Variants in KRI1 observed in about 807,000 individuals in gnomAD.
The protein encoded by KRI1 is KRI1 homolog.
KRI1 carries 83 observed loss-of-function variants against 97.0 expected under a neutral mutation model. The ratio of observed to expected loss-of-function variants is 0.86; its 90% CI spans 0.72 to 1.03. The LOEUF (loss-of-function observed/expected upper bound fraction) is 1.03, where lower values mean the gene tolerates loss of function less well. Ranked by LOEUF, KRI1 falls within the 50% of genes least tolerant of loss-of-function variation. The pLI is 0.00. For missense variants in KRI1, 916 were observed against 928.4 expected (o/e 0.99, Z 0.17); for synonymous variants, 371 against 363.5 (o/e 1.02, Z -0.23).
In KRI1 at chr19:10,554,043, G is replaced by GTC; in HGVS notation, c.2018_2019dup (p.Leu674AspfsTer97). ...TTGGGGTTGAGGCCAAAGGCCTGCA[G>GTC]TCTCTGGCGGCTGAACTCGCATCCA... On this transcript the variant is annotated frameshift_variant, in exon 19 of 19. Transcript: ENST00000312962. LOFTEE classifies it high-confidence loss of function. 6.2e-7 allele frequency: 1 copy of GTC among 1,614,212 alleles called. No homozygotes were observed. The highest frequency in any genetic ancestry group is 8.5e-7 in the Non-Finnish European group (1 of 1,180,048).
Position 10,565,996 on chromosome 19 carries a change from G to A in KRI1, c.4C>T (p.Pro2Ser), listed in dbSNP as rs868832100. 6.6e-7 allele frequency: 1 copy of A among 1,520,214 alleles called. No homozygotes were observed. Among genetic ancestry groups the A allele is most frequent in the Non-Finnish European group, 8.8e-7 (1 of 1,139,306 alleles). The allele number at this position is 1,520,214 out of a possible 1,614,324, so 94.2% of individuals were successfully genotyped here. A position where few individuals can be genotyped will look rare whatever the true frequency, so the allele number is the denominator to read the frequency against. MPEPRGSSQLRV... is the reference protein window; with the variant it reads MSEPRGSSQLRV... ...AGCTGCGACGACCCGCGCGGTTCCGGCATGGCGGTTCTGTGGCCCATTGCG... is the reference window on the plus strand; with the variant it reads ...AGCTGCGACGACCCGCGCGGTTCCGACATGGCGGTTCTGTGGCCCATTGCG... Residue 2 changes from proline to serine, a missense_variant, in exon 1 of 19, where the codon CCG (proline) becomes TCG (serine). Pro to Ser is a moderately conservative substitution (Grantham distance 74). Transcript: ENST00000312962.
intron 9 of KRI1, 118 bp from the exon 10 acceptor site, chr19:10,560,054 G>A: frequency 1.5e-6 from 2 of 1,298,876 alleles, no homozygotes; most frequent in Non-Finnish European, 2.1e-6. Context: ...AACCCTACAA[G>A]GTGCACGCTG....
Position 10,558,172 on chromosome 19 carries a change from C to T in KRI1, c.1262G>A (p.Gly421Glu). The change falls in exon 13 of 19, where the codon GGG becomes GAG. Residue 421 changes from glycine to glutamate, a missense_variant. Coordinates refer to ENST00000312962, the MANE Select transcript of KRI1 (RefSeq NM_023008.5). ...GCCCCAGCTGATCTCACCTTCAAGCCCTTCTTCTTCCTCAAATTGTGGCTT... is the reference window on the plus strand; with the variant it reads ...GCCCCAGCTGATCTCACCTTCAAGCTCTTCTTCTTCCTCAAATTGTGGCTT... ...EEKPQFEEEE[G>E]LEDDWNWDTW... is the part of the protein sequence containing the mutation. The T allele has an allele frequency of 6.2e-7, 1 of 1,614,036 alleles. No homozygotes were observed. The highest frequency in any genetic ancestry group is 8.5e-7 in the Non-Finnish European group (1 of 1,179,958).
chr19:10,562,888 C>T (rs544381115), intron 3 of KRI1, 51 bp from the exon 4 acceptor site: 12 of 1,180,328 alleles, frequency 1.0e-5, no homozygotes, highest in East Asian at 4.7e-5. Flanking sequence ...CCTTCTTTGC[C>T]GTGGCAGAGA....
intron 16 of KRI1, among the ~76,000 whole-genome samples, chr19:10,555,780 G>A (rs1042967546): frequency 2.0e-5 from 3 of 152,212 alleles, no homozygotes; most frequent in African/African-American, 7.2e-5. Flanking sequence ...GTGATTGAAT[G>A]CCGATGGTAT....
At chr19:10,559,761 CTGGGCCTGAACCCT>C (rs774639349) in intron 10 of KRI1, 35 bp downstream of exon 10, 6 of 1,613,880 alleles carry the variant, frequency 3.7e-6, no homozygotes, top group Non-Finnish European at 3.4e-6. Context: ...GTGGGGTTCC[CTGGGCCTGAACCCT>C]GGGGGCTGAG....
chr19:10,557,951 C>T (rs1916565310), intron 14 of KRI1, 21 bp downstream of exon 14: 2 of 1,613,998 alleles, frequency 1.2e-6, no homozygotes, highest in Admixed American at 1.7e-5. Flanking sequence ...CCCTGGGACT[C>T]CCTCAACCCG....
chr19:10,561,065 C>T lies in KRI1; in HGVS notation c.601G>A (p.Asp201Asn), dbSNP rs1306566231. The T allele has an allele frequency of 3.1e-5, 50 of 1,614,148 alleles. No homozygotes were observed. The highest frequency in any genetic ancestry group is 4.1e-5 in the Non-Finnish European group (48 of 1,180,004). ...TRQEKAQEEA[D>N]YIEWLKGQKE... ...TGTCCCTTCAGCCACTCGATGTAGT[C>T]GGCCTCCTCCTGGGCCTGGGGGAAA... The change falls in exon 8 of 19, where the codon GAC becomes AAC. Residue 201 changes from aspartate to asparagine, a missense_variant. Around this residue, in one of 3 missense-constraint regions of KRI1, gnomAD observed 672 missense variants for 667.2 expected, o/e 1.01. Coordinates refer to ENST00000312962, the MANE Select transcript of KRI1 (RefSeq NM_023008.5).
intron 12 of KRI1, 22 bp from the exon 13 acceptor site, chr19:10,558,261 T>C (rs1307899782): frequency 1.2e-6 from 2 of 1,613,010 alleles, no homozygotes; most frequent in East Asian, 2.2e-5. Flanking sequence ...GGGCTGGCGG[T>C]TACCAGAGCC....
At chr19:10,563,196 C>T (rs1044440285) in intron 3 of KRI1, among the ~76,000 whole-genome samples, 4 of 151,916 alleles carry the variant, frequency 2.6e-5, no homozygotes, top group Non-Finnish European at 5.9e-5. Context: ...GCTGGGATTA[C>T]AGGTGCCCAC....
Position 10,553,590 on chromosome 19 carries a change from T to TTTC in KRI1, c.*360_*361insGAA, listed in dbSNP as rs59138474. ...GTGTTTTTTAATTTTTTTTTTTTTT[T>TTTC]CAAGAGACAGGGTCTTGCTTTGTTG... On this transcript the variant is annotated 3_prime_UTR_variant, in exon 19 of 19. Coordinates refer to ENST00000312962, the MANE Select transcript of KRI1 (RefSeq NM_023008.5). 2.0e-5 allele frequency: 4 copies of TTTC among 198,926 alleles called. No homozygotes were observed. The highest frequency in any genetic ancestry group is 1.6e-4 in the South Asian group (1 of 6,088). 12.3% of individuals were successfully genotyped at this position (198,926 alleles called of 1,614,324 possible).
At position 10,559,443 on chromosome 19, in the gene KRI1, T is replaced by C; in HGVS notation, c.1110A>G (p.Lys370=). 3 of 1,614,122 alleles carry C rather than the reference T, an allele frequency of 1.9e-6. No individual in the cohort carries two copies. The highest frequency in any genetic ancestry group is 2.5e-6 in the Non-Finnish European group (3 of 1,180,036). Residue 370 remains lysine, a synonymous_variant, in exon 12 of 19, where the codon AAA becomes AAG. Coordinates refer to ENST00000312962, the MANE Select transcript of KRI1 (RefSeq NM_023008.5). ...EILAKLEKLR[K]VTGNEMLGLE... ...GGCCCAGCATCTCGTTGCCTGTTAC[T>C]TTCCGCAGCTTCTCCAGCTTGGCCA...
chr19:10,565,002 G>T lies in KRI1; in HGVS notation c.201C>A (p.Tyr67Ter). Residue 67 changes from tyrosine to a stop codon, truncating the protein, a stop_gained, in exon 3 of 19, where the codon TAC (tyrosine) becomes TAA (stop). Transcript: ENST00000312962. LOFTEE classifies it high-confidence loss of function. ...TCTTCTTCAACAAGGAGAGCGTTTT[G>T]TAAAAGTCCCGCTCCTGCTGGGGAT... Reference protein sequence around the residue: ...EFDPQQERDFYKTLSLLKKKD... With the variant: ...EFDPQQERDF 3 of 1,613,720 alleles carry T rather than the reference G, an allele frequency of 1.9e-6. No individual in the cohort carries two copies. The highest frequency in any genetic ancestry group is 2.5e-6 in the Non-Finnish European group (3 of 1,179,720).
chr19:10,565,668 G>T, intron 2 of KRI1, 49 bp downstream of exon 2: 1 of 1,526,306 alleles, frequency 6.6e-7, no homozygotes, highest in Non-Finnish European at 8.8e-7. Flanking sequence ...GGGGTGCAGA[G>T]GGGGGCTTGG....
At position 10,565,991 on chromosome 19, in the gene KRI1, TTCCGGCATG is replaced by T; in HGVS notation, c.-1_8del. On this transcript the variant is annotated start_lost and 5_prime_UTR_variant, in exon 1 of 19. Transcript: ENST00000312962. ...CCCGCAGCTGCGACGACCCGCGCGG[TTCCGGCATG>T]GCGGTTCTGTGGCCCATTGCGCACG... The T allele has an allele frequency of 6.6e-7, 1 of 1,521,970 alleles. No homozygotes were observed. The highest frequency in any genetic ancestry group is 8.8e-7 in the Non-Finnish European group (1 of 1,139,794). 94.3% of individuals were successfully genotyped at this position (1,521,970 alleles called of 1,614,324 possible).
At position 10,561,273 on chromosome 19, in the gene KRI1, C is replaced by G. The variant is rs772451009; in HGVS notation, c.489-8G>C. The G allele has an allele frequency of 4.3e-6, 7 of 1,613,538 alleles. No individual in the cohort carries two copies. The highest frequency in any genetic ancestry group is 5.9e-6 in the Non-Finnish European group (7 of 1,179,714). Reference sequence around the variant, plus strand: ...TCCACAAATGCCCGGAAGCTGCCCACGAGAGAAAACAAGCCTCAGGACAGG... The same window carrying G: ...TCCACAAATGCCCGGAAGCTGCCCAGGAGAGAAAACAAGCCTCAGGACAGG... On this transcript the variant is annotated splice_polypyrimidine_tract_variant and splice_region_variant and intron_variant, in intron 6 of 18. Transcript: ENST00000312962.
chr19:10,556,599 G>T (rs1024096934), intron 16 of KRI1, among the ~76,000 whole-genome samples: 1 of 151,036 alleles, frequency 6.6e-6, no homozygotes, highest in African/African-American at 2.4e-5. Context: ...CCTGGGAGGC[G>T]GAGTTTGCAG....
intron 9 of KRI1, 140 bp downstream of exon 9, chr19:10,560,172 T>A: frequency 7.2e-7 from 1 of 1,393,344 alleles, no homozygotes; most frequent in Non-Finnish European, 9.5e-7. Context: ...TCTGTGGCTC[T>A]GCCTTACAGA....
rs200132804 is a variant in KRI1 at position 10,554,324 on chromosome 19, C to A, written c.1782-43G>T. On this transcript the variant is annotated intron_variant, in intron 18 of 18. Transcript: ENST00000312962. ...GGGCTCAGCCCAGGCCTGTCAAGATCAGGCCCATTCTTGAGCACGCATGCC... is the reference window on the plus strand; with the variant it reads ...GGGCTCAGCCCAGGCCTGTCAAGATAAGGCCCATTCTTGAGCACGCATGCC... The A allele has an allele frequency of 9.5e-4, 1,473 of 1,547,634 alleles. 3 individuals are homozygous for A. Among genetic ancestry groups the A allele is most frequent in the Non-Finnish European group, 1.1e-3 (1,287 of 1,124,730 alleles).
Sources: gnomAD v4.1 joint callset for allele counts (sites outside exome capture counted in the v4.1 genomes callset) on GRCh38, gnomAD v4.1.1 for gene constraint, gnomAD v4.1.1 regional missense constraint, MANE v1.5 for transcripts, NCBI Gene and HGNC (gene_info 2026-07-23, HGNC 2026-07-21) for gene names.